Variants in ZNF804B observed in about 807,000 individuals in gnomAD.
ZNF804B encodes the protein zinc finger 804B.
Under a neutral mutation model 101.4 loss-of-function variants are expected in ZNF804B, and 80 were observed. The ratio of observed to expected loss-of-function variants is 0.79; its 90% confidence interval spans 0.66 to 0.95. ZNF804B has a LOEUF of 0.95. Among genes scored for constraint, ZNF804B ranks in the 40% least tolerant of loss-of-function variants. The pLI is 0.00. For synonymous variants in ZNF804B, 622 were observed against 558.8 expected (o/e 1.11, Z -1.59); for missense variants, 1,673 against 1,561.9 (o/e 1.07, Z -1.20).
chr7:89,245,717 T>C (rs1309618199), intron 2 of ZNF804B, among the ~76,000 whole-genome samples: 1 of 152,178 alleles, frequency 6.6e-6, no homozygotes, highest in Admixed American at 6.5e-5. Context: ...CTGTGAGGTT[T>C]GATTCAAGAA....
At chr7:89,303,791 A>G (rs1790519627) in intron 2 of ZNF804B, among the ~76,000 whole-genome samples, 1 of 151,964 alleles carries the variant, frequency 6.6e-6, no homozygotes, top group African/African-American at 2.4e-5. Flanking sequence ...AATTAGATGA[A>G]AAAGACTATA....
At chr7:89,190,284 G>T (rs1054916037) in intron 1 of ZNF804B, among the ~76,000 whole-genome samples, 1 of 150,042 alleles carries the variant, frequency 6.7e-6, no homozygotes. Context: ...GCAGTGAGCC[G>T]AGATCGTGCC....
In ZNF804B at chr7:89,197,045, T is replaced by C. The variant is rs138091900; in HGVS notation, c.109-21110T>C. 9.2e-5 allele frequency among the ~76,000 whole-genome samples: 14 copies of C among 152,150 alleles called. No individual in the cohort carries two copies. In the East Asian group the frequency reaches 2.5e-3, roughly 27 times the overall value. On this transcript the variant is annotated intron_variant, in intron 1 of 3. Transcript: ENST00000333190. The stretch of plus-strand genomic sequence containing the variant: ...GGAGTGTAAATTAGTTCAACCATTA[T>C]GGGAGACTGTGGTGATTCCTCAAAG...
chr7:88,988,980 A>G (rs2116148974), intron 1 of ZNF804B, among the ~76,000 whole-genome samples: 1 of 152,164 alleles, frequency 6.6e-6, no homozygotes, highest in East Asian at 1.9e-4. Context: ...TCACACCCTC[A>G]GATATTCTGA....
At chr7:89,200,406 A>G (rs1788614570) in intron 1 of ZNF804B, among the ~76,000 whole-genome samples, 2 of 151,982 alleles carry the variant, frequency 1.3e-5, no homozygotes, top group African/African-American at 4.8e-5. Flanking sequence ...TGGTTTGTAG[A>G]ATCTCCAGCT....
intron 1 of ZNF804B, among the ~76,000 whole-genome samples, chr7:89,144,540 G>A (rs547291503): frequency 2.6e-4 from 39 of 151,968 alleles, no homozygotes; most frequent in African/African-American, 7.2e-4. Flanking sequence ...TATCAGAGGC[G>A]GGGAAGGGTG....
At chr7:89,177,234 T>G (rs1423975507) in intron 1 of ZNF804B, among the ~76,000 whole-genome samples, 1 of 152,234 alleles carries the variant, frequency 6.6e-6, no homozygotes, top group East Asian at 1.9e-4. Flanking sequence ...TCTTCTTTTT[T>G]GACATAAGCA....
At chr7:88,944,861 C>T (rs574512372) in intron 1 of ZNF804B, among the ~76,000 whole-genome samples, 24 of 151,750 alleles carry the variant, frequency 1.6e-4, no homozygotes, top group Admixed American at 4.6e-4. Context: ...GTTTCATGCA[C>T]GAAAGTATTA....
At chr7:89,110,238 A>G (rs1322784311) in intron 1 of ZNF804B, among the ~76,000 whole-genome samples, 6 of 152,176 alleles carry the variant, frequency 3.9e-5, no homozygotes, top group African/African-American at 1.2e-4. Flanking sequence ...TATTCAGAAA[A>G]CTAATTACAG....
chr7:88,765,314 G>C (rs1163216493), intron 1 of ZNF804B, among the ~76,000 whole-genome samples: 2 of 152,094 alleles, frequency 1.3e-5, no homozygotes, highest in African/African-American at 2.4e-5. Context: ...TTGGTATCAT[G>C]GGTAGGCTAA....
In ZNF804B at chr7:88,891,573, T is replaced by G. The variant is rs116277980; in HGVS notation, c.108+131489T>G. 9.4e-4 allele frequency among the ~76,000 whole-genome samples: 143 copies of G among 152,118 alleles called. 1 individual carries two copies. Among genetic ancestry groups the G allele is most frequent in the African/African-American group, 3.3e-3 (136 of 41,546 alleles). ...TTTGAATTATAAATTTGAGAACAAT[T>G]CTATTATTTTATTTTTTACATTATA... On this transcript the variant is annotated intron_variant, in intron 1 of 3. Coordinates refer to ENST00000333190, the MANE Select transcript of ZNF804B (RefSeq NM_181646.5).
At chr7:89,149,338 T>G (rs1412151345) in intron 1 of ZNF804B, among the ~76,000 whole-genome samples, 2 of 152,120 alleles carry the variant, frequency 1.3e-5, no homozygotes, top group African/African-American at 2.4e-5. Flanking sequence ...TACAAAGCCT[T>G]GGTCAAGAAT....
At chr7:89,279,058 G>C (rs923158963) in intron 2 of ZNF804B, among the ~76,000 whole-genome samples, 6 of 152,042 alleles carry the variant, frequency 3.9e-5, no homozygotes, top group African/African-American at 1.4e-4. Context: ...CCTTGAAGAG[G>C]TCCTTCACAT....
chr7:89,105,231 C>T (rs373798209), intron 1 of ZNF804B, among the ~76,000 whole-genome samples: 2 of 152,060 alleles, frequency 1.3e-5, no homozygotes, highest in African/African-American at 4.8e-5. Flanking sequence ...AGTCTTAAGG[C>T]TTGACCCAGC....
At chr7:89,019,575 G>A (rs759393638) in intron 1 of ZNF804B, among the ~76,000 whole-genome samples, 8 of 151,922 alleles carry the variant, frequency 5.3e-5, no homozygotes, top group Non-Finnish European at 8.8e-5. Flanking sequence ...GAAAGTTGTG[G>A]GTGGGTTGAA....
intron 1 of ZNF804B, among the ~76,000 whole-genome samples, chr7:88,976,717 G>A (rs951195441): frequency 6.6e-6 from 1 of 151,572 alleles, no homozygotes; most frequent in South Asian, 2.1e-4. Context: ...CAGTATGGAT[G>A]CTCTTGATTT....
At chr7:89,331,988 A>G (rs573951224) in intron 3 of ZNF804B, among the ~76,000 whole-genome samples, 4 of 151,496 alleles carry the variant, frequency 2.6e-5, no homozygotes, top group African/African-American at 7.2e-5. Flanking sequence ...TTAAAATGTT[A>G]TACATACATA....
chr7:89,186,433 T>C (rs1159260560), intron 1 of ZNF804B, among the ~76,000 whole-genome samples: 1 of 152,122 alleles, frequency 6.6e-6, no homozygotes. Flanking sequence ...TATAGTAAGA[T>C]TTATATGATA....
In ZNF804B at chr7:89,335,814, T is replaced by C. The variant is rs139091510; in HGVS notation, c.2832T>C (p.Val944=). ...AKKCQEQSSN[V]EISSNSCKSE... The stretch of plus-strand genomic sequence containing the variant: ...AATGTCAAGAACAATCAAGTAATGT[T>C]GAGATCTCTTCAAACAGTTGTAAAA... Residue 944 remains valine, a synonymous_variant, in exon 4 of 4, where the codon GTT becomes GTC. Transcript: ENST00000333190. 5.9e-5 allele frequency: 96 copies of C among 1,613,924 alleles called. No homozygotes were observed. The highest frequency in any genetic ancestry group is 8.0e-5 in the Non-Finnish European group (94 of 1,179,962).
Sources: gnomAD v4.1 joint callset for allele counts (sites outside exome capture counted in the v4.1 genomes callset) on GRCh38, gnomAD v4.1.1 for gene constraint, MANE v1.5 for transcripts, NCBI Gene and HGNC (gene_info 2026-07-23, HGNC 2026-07-21) for gene names.